Variants in MMP20 observed in about 807,000 individuals in gnomAD.
MMP20 encodes matrix metallopeptidase 20.
MMP20 carries 50 observed loss-of-function variants against 51.8 expected under a neutral mutation model. The observed-to-expected ratio is 0.97, with a 90% CI of 0.77 to 1.22. MMP20 has a LOEUF of 1.22. Among genes scored for constraint, MMP20 ranks in the 50% most tolerant of loss-of-function variants. MMP20 has a pLI of 0.00. For missense variants in MMP20, 663 were observed against 601.4 expected (o/e 1.10, Z -1.07); for synonymous variants, 244 against 216.2 (o/e 1.13, Z -1.13).
chr11:102,606,256 T>C (rs1255316212), intron 6 of MMP20, among the ~76,000 whole-genome samples: 1 of 152,212 alleles, frequency 6.6e-6, no homozygotes, highest in African/African-American at 2.4e-5. Context: ...ATCTGCACAT[T>C]AGGGATTCTA....
At chr11:102,602,485 C>T (rs1859460979) in intron 6 of MMP20, among the ~76,000 whole-genome samples, 1 of 152,168 alleles carries the variant, frequency 6.6e-6, no homozygotes. Context: ...AGCAAAGGAA[C>T]AGCTCGGAAG....
At chr11:102,602,692 T>A (rs1784436) in intron 6 of MMP20, among the ~76,000 whole-genome samples, 77,585 of 152,026 alleles carry the variant, frequency 0.51, 20,330 homozygotes, top group South Asian at 0.66. Flanking sequence ...CTGTGCCTAT[T>A]TTCCTTATCT....
intron 6 of MMP20, among the ~76,000 whole-genome samples, chr11:102,597,002 T>C (rs918215138): frequency 6.6e-6 from 1 of 152,234 alleles, no homozygotes; most frequent in Non-Finnish European, 1.5e-5. Context: ...ATTCAATACA[T>C]AGCTCTGAAA....
chr11:102,603,202 G>A (rs772777790), intron 6 of MMP20, among the ~76,000 whole-genome samples: 39 of 152,196 alleles, frequency 2.6e-4, no homozygotes, highest in Admixed American at 1.6e-3. Context: ...TGTTGGTGAC[G>A]GGGAATTCCA....
chr11:102,579,793 G>A (rs929637938), intron 8 of MMP20, among the ~76,000 whole-genome samples: 2 of 121,162 alleles, frequency 1.7e-5, no homozygotes, highest in Non-Finnish European at 3.4e-5. Flanking sequence ...ATAGCAACAT[G>A]TTCTGTTAAC....
In MMP20 at chr11:102,603,429, G is replaced by A. The variant is rs11225340; in HGVS notation, c.953+3106C>T. Among the ~76,000 whole-genome samples the A allele has an allele frequency of 5.9e-3, 896 of 152,224 alleles. 8 individuals are homozygous for A. Among genetic ancestry groups the A allele is most frequent in the African/African-American group, 0.02 (840 of 41,514 alleles). ...TAGGAGGCAGGGTAGTTAGGGGCACGGATTCTGAAGTTTGCTAGTTTGGGT... is the reference window on the plus strand; with the variant it reads ...TAGGAGGCAGGGTAGTTAGGGGCACAGATTCTGAAGTTTGCTAGTTTGGGT... On this transcript the variant is annotated intron_variant, in intron 6 of 9. Coordinates refer to ENST00000260228, the MANE Select transcript of MMP20 (RefSeq NM_004771.4).
chr11:102,597,638 A>C (rs1859397551), intron 6 of MMP20, among the ~76,000 whole-genome samples: 1 of 152,232 alleles, frequency 6.6e-6, no homozygotes, highest in African/African-American at 2.4e-5. Flanking sequence ...ATCTGGCTCA[A>C]GATACCAGTA....
chr11:102,589,740 AT>A (rs1331490768), intron 8 of MMP20, among the ~76,000 whole-genome samples: 2 of 152,228 alleles, frequency 1.3e-5, no homozygotes, highest in Non-Finnish European at 2.9e-5. Context: ...AGGCTGACAC[AT>A]AATATGTCTA....
chr11:102,577,005 C>T lies in MMP20; in HGVS notation c.*321G>A, dbSNP rs899532409. The T allele has an allele frequency of 9.6e-6, 3 of 311,530 alleles. No individual in the cohort carries two copies. The highest frequency in any genetic ancestry group is 6.4e-5 in the African/African-American group (3 of 46,562). The allele number at this position is 311,530 out of a possible 1,614,324, so 19.3% of individuals were successfully genotyped here. On this transcript the variant is annotated 3_prime_UTR_variant, in exon 10 of 10. Transcript: ENST00000260228. ...TGTCATGGAATCCACCACTAGTCTTCCTCCTGGAAATAAAAATCAAACGGA... is the reference window on the plus strand; with the variant it reads ...TGTCATGGAATCCACCACTAGTCTTTCTCCTGGAAATAAAAATCAAACGGA...
chr11:102,589,127 A>G (rs893317288), intron 8 of MMP20, among the ~76,000 whole-genome samples: 3 of 152,188 alleles, frequency 2.0e-5, no homozygotes, highest in South Asian at 2.1e-4. Flanking sequence ...TCCTTGGGCC[A>G]TCGTTCTGAT....
chr11:102,618,890 T>G (rs72971614), intron 1 of MMP20, among the ~76,000 whole-genome samples: 19,203 of 152,156 alleles, frequency 0.13, 1,592 homozygotes, highest in East Asian at 0.41. Flanking sequence ...GTACGCTATT[T>G]TTTCACTGCA....
intron 6 of MMP20, among the ~76,000 whole-genome samples, chr11:102,599,146 G>A (rs1859417265): frequency 6.6e-6 from 1 of 151,966 alleles, no homozygotes; most frequent in African/African-American, 2.4e-5. Context: ...CCAAGTAGCA[G>A]GGACTACAAG....
At chr11:102,614,622 G>A (rs1024896268) in intron 2 of MMP20, among the ~76,000 whole-genome samples, 3 of 152,150 alleles carry the variant, frequency 2.0e-5, no homozygotes, top group Admixed American at 1.3e-4. Context: ...ACTCCTATGA[G>A]GTTTTTCTCC....
At chr11:102,625,136 C>T (rs748615415) in intron 1 of MMP20, 58 bp downstream of exon 1, 42 of 1,605,602 alleles carry the variant, frequency 2.6e-5, no homozygotes, top group Non-Finnish European at 3.3e-5. Flanking sequence ...TCTCACTATG[C>T]CCTTTTAGGT....
At chr11:102,580,390 C>A (rs1171311473) in intron 8 of MMP20, among the ~76,000 whole-genome samples, 1 of 150,102 alleles carries the variant, frequency 6.7e-6, no homozygotes, top group Non-Finnish European at 1.5e-5. Context: ...TCTCCCAGTG[C>A]CTGGGCTACT....
intron 8 of MMP20, among the ~76,000 whole-genome samples, chr11:102,587,412 A>T (rs1259805268): frequency 6.6e-6 from 1 of 152,202 alleles, no homozygotes; most frequent in African/African-American, 2.4e-5. Flanking sequence ...CTTGAAAAGA[A>T]TGTGTATTCT....
At chr11:102,582,098 T>A (rs1353357814) in intron 8 of MMP20, among the ~76,000 whole-genome samples, 1 of 152,230 alleles carries the variant, frequency 6.6e-6, no homozygotes, top group African/African-American at 2.4e-5. Context: ...GCAACAGATA[T>A]CTGATGTAGT....
At chr11:102,578,309 A>C (rs1859150293) in intron 9 of MMP20, among the ~76,000 whole-genome samples, 1 of 137,156 alleles carries the variant, frequency 7.3e-6, no homozygotes, top group Non-Finnish European at 1.6e-5. Flanking sequence ...ATTCTCAGCT[A>C]ACTTTTTTGT....
Position 102,606,588 on chromosome 11 carries a change from T to A in MMP20, c.900A>T (p.Ser300=), listed in dbSNP as rs1291766262. ...PSIPDLCDSS[S]SFDAVTMLGK... ...CCAGCATTGTCACAGCGTCAAAGGATGAGCTGGAGTCACAGAGGTCAGGGA... is the reference window on the plus strand; with the variant it reads ...CCAGCATTGTCACAGCGTCAAAGGAAGAGCTGGAGTCACAGAGGTCAGGGA... The change falls in exon 6 of 10, where the codon TCA becomes TCT. Residue 300 remains serine, a synonymous_variant. Transcript: ENST00000260228. 6.2e-7 allele frequency: 1 copy of A among 1,614,046 alleles called. No individual in the cohort carries two copies. The highest frequency in any genetic ancestry group is 1.1e-5 in the South Asian group (1 of 91,076).
Sources: gnomAD v4.1 joint callset for allele counts (sites outside exome capture counted in the v4.1 genomes callset) on GRCh38, gnomAD v4.1.1 for gene constraint, MANE v1.5 for transcripts, NCBI Gene and HGNC (gene_info 2026-07-23, HGNC 2026-07-21) for gene names.